Variants in FAM81B observed in about 807,000 individuals in gnomAD.
FAM81B encodes protein FAM81B.
FAM81B carries 60 observed loss-of-function variants against 58.7 expected under a neutral mutation model. That is an observed-to-expected ratio of 1.02 (90% CI 0.83 to 1.27). FAM81B has a LOEUF of 1.27. FAM81B is among the 50% of genes most tolerant of loss of function. FAM81B has a pLI of 0.00. For synonymous variants in FAM81B, 189 were observed against 179.6 expected (o/e 1.05, Z -0.42); for missense variants, 491 against 522.0 (o/e 0.94, Z 0.58).
At chr5:95,440,221 G>A in intron 7 of FAM81B, 1 of 665,564 alleles carries the variant, frequency 1.5e-6, no homozygotes, top group Non-Finnish European at 2.9e-6. Context: ...TGGCTTCTCG[G>A]TCTAGCTGTG....
At chr5:95,427,864 T>C (rs1762890203) in intron 5 of FAM81B, among the ~76,000 whole-genome samples, 1 of 152,024 alleles carries the variant, frequency 6.6e-6, no homozygotes, top group African/African-American at 2.4e-5. Context: ...CGGGTAACAG[T>C]TGTGGGGGTG....
At chr5:95,412,809 A>G (rs1474951245) in intron 3 of FAM81B, among the ~76,000 whole-genome samples, 2 of 152,202 alleles carry the variant, frequency 1.3e-5, no homozygotes, top group Admixed American at 6.5e-5. Context: ...TTTGGATCCA[A>G]CTGGGGCATG....
At chr5:95,450,068 C>A in intron 9 of FAM81B, 81 bp from the exon 10 acceptor site, 2 of 1,444,640 alleles carry the variant, frequency 1.4e-6, no homozygotes, top group South Asian at 1.4e-5. Context: ...TCAATTATGG[C>A]AGGACTGCCG....
intron 4 of FAM81B, among the ~76,000 whole-genome samples, chr5:95,417,181 T>A (rs565287542): frequency 6.6e-6 from 1 of 152,338 alleles, no homozygotes; most frequent in South Asian, 2.1e-4. Flanking sequence ...GTTGCCAAAT[T>A]GTTTTCCGGA....
intron 5 of FAM81B, chr5:95,424,065 C>G (rs1235774896): frequency 2.3e-6 from 3 of 1,289,556 alleles, no homozygotes; most frequent in Non-Finnish European, 3.0e-6. Flanking sequence ...CCCTCCTTGC[C>G]CGCTTATACC....
chr5:95,440,438 G>A (rs557104123), intron 7 of FAM81B: 1 of 648,578 alleles, frequency 1.5e-6, no homozygotes, highest in Non-Finnish European at 3.0e-6. Flanking sequence ...TTCGAATTTT[G>A]GTTCAGGAGC....
At chr5:95,418,694 G>A (rs1236604113) in intron 4 of FAM81B, among the ~76,000 whole-genome samples, 1 of 152,154 alleles carries the variant, frequency 6.6e-6, no homozygotes, top group Non-Finnish European at 1.5e-5. Flanking sequence ...GGGGGTCTTA[G>A]AACGTATCCC....
At chr5:95,392,314 G>A (rs1022775072) in intron 1 of FAM81B, among the ~76,000 whole-genome samples, 1 of 152,080 alleles carries the variant, frequency 6.6e-6, no homozygotes, top group African/African-American at 2.4e-5. Flanking sequence ...GAGAACACAT[G>A]GACACAGGGA....
intron 4 of FAM81B, among the ~76,000 whole-genome samples, 155 bp from the exon 5 acceptor site, chr5:95,420,129 G>A (rs933921430): frequency 6.6e-6 from 1 of 152,098 alleles, no homozygotes; most frequent in African/African-American, 2.4e-5. Flanking sequence ...AGATAAATTA[G>A]CAGAGATCAC....
At chr5:95,424,665 C>A (rs1762777108) in intron 5 of FAM81B, among the ~76,000 whole-genome samples, 1 of 152,166 alleles carries the variant, frequency 6.6e-6, no homozygotes, top group African/African-American at 2.4e-5. Flanking sequence ...GTAGGATAAG[C>A]TGAGAACAAC....
At chr5:95,399,484 C>A (rs1260071768) in intron 3 of FAM81B, among the ~76,000 whole-genome samples, 7 of 151,660 alleles carry the variant, frequency 4.6e-5, no homozygotes, top group African/African-American at 1.7e-4. Context: ...TTTCATGCCC[C>A]CCCCCACCCA....
intron 1 of FAM81B, among the ~76,000 whole-genome samples, chr5:95,392,462 T>C (rs926222273): frequency 6.6e-6 from 1 of 152,078 alleles, no homozygotes; most frequent in African/African-American, 2.4e-5. Flanking sequence ...GTAACAAACC[T>C]GCATGTTCTG....
intron 6 of FAM81B, among the ~76,000 whole-genome samples, chr5:95,435,017 G>A (rs1324768125): frequency 6.6e-6 from 1 of 152,228 alleles, no homozygotes; most frequent in East Asian, 1.9e-4. Context: ...GAAAAAGATG[G>A]AGAAAGAAGG....
chr5:95,444,484 A>G (rs1745479565), intron 7 of FAM81B, among the ~76,000 whole-genome samples: 1 of 152,226 alleles, frequency 6.6e-6, no homozygotes, highest in Non-Finnish European at 1.5e-5. Flanking sequence ...TCTGAGGAAG[A>G]GTATTCCAGA....
At chr5:95,422,656 A>G (rs11135425) in intron 5 of FAM81B, among the ~76,000 whole-genome samples, 31,358 of 152,034 alleles carry the variant, frequency 0.21, 3,370 homozygotes, top group African/African-American at 0.26. Context: ...CTAATTTCAA[A>G]CATGTTTTAA....
At chr5:95,427,602 A>C (rs1762882338) in intron 5 of FAM81B, among the ~76,000 whole-genome samples, 1 of 152,242 alleles carries the variant, frequency 6.6e-6, no homozygotes, top group South Asian at 2.1e-4. Context: ...AAATGTTGAC[A>C]TCATAAAGCA....
At chr5:95,411,537 A>T (rs1302164482) in intron 3 of FAM81B, among the ~76,000 whole-genome samples, 2 of 152,212 alleles carry the variant, frequency 1.3e-5, no homozygotes, top group Non-Finnish European at 2.9e-5. Context: ...ATATTCATAA[A>T]GAAATAAGTC....
chr5:95,443,074 AT>A (rs1171339464), intron 7 of FAM81B, among the ~76,000 whole-genome samples: 10 of 152,080 alleles, frequency 6.6e-5, no homozygotes, highest in African/African-American at 2.4e-4. Flanking sequence ...CATTCAACAG[AT>A]TTTTTTTAAC....
intron 7 of FAM81B, among the ~76,000 whole-genome samples, chr5:95,438,214 A>C (rs1364373488): frequency 6.6e-6 from 1 of 152,208 alleles, no homozygotes; most frequent in African/African-American, 2.4e-5. Context: ...TCATAGTCTA[A>C]GAAAGCATTT....
Sources: gnomAD v4.1 joint callset for allele counts (sites outside exome capture counted in the v4.1 genomes callset) on GRCh38, gnomAD v4.1.1 for gene constraint, MANE v1.5 for transcripts, NCBI Gene and HGNC (gene_info 2026-07-23, HGNC 2026-07-21) for gene names.